Variants in PTPRN2 observed in about 807,000 individuals in gnomAD.
PTPRN2 encodes receptor-type tyrosine-protein phosphatase N2.
A neutral mutation model predicts 118.8 loss-of-function variants in PTPRN2; 74 were observed. That is an observed-to-expected ratio of 0.62 (90% CI 0.52 to 0.76). The LOEUF (loss-of-function observed/expected upper bound fraction) is 0.76, where lower values mean the gene tolerates loss of function less well. PTPRN2 is among the 30% of genes least tolerant of loss of function. The probability of loss-of-function intolerance (pLI) is 0.00; values close to 1 mark genes in which losing one functional copy is unlikely to be tolerated. For synonymous variants in PTPRN2, 641 were observed against 608.0 expected (o/e 1.05, Z -0.80); for missense variants, 1,481 against 1,394.4 (o/e 1.06, Z -0.99).
chr7:157,673,399 T>C (rs1435407610), intron 13 of PTPRN2, among the ~76,000 whole-genome samples: 7 of 152,178 alleles, frequency 4.6e-5, no homozygotes, highest in Non-Finnish European at 8.8e-5. Flanking sequence ...AGCAACAAAG[T>C]TTCAGAACAG....
intron 3 of PTPRN2, among the ~76,000 whole-genome samples, chr7:158,233,828 C>G (rs562047351): frequency 6.6e-6 from 1 of 152,106 alleles, no homozygotes; most frequent in African/African-American, 2.4e-5. Context: ...ACGTTTATAA[C>G]CAACTCATTT....
intron 5 of PTPRN2, among the ~76,000 whole-genome samples, chr7:158,189,229 C>T (rs1439129373): frequency 1.3e-5 from 2 of 152,258 alleles, no homozygotes; most frequent in African/African-American, 4.8e-5. Context: ...GGCAGGGAAG[C>T]ACTGCAGCCA....
chr7:158,149,040 C>T (rs1458836057), intron 6 of PTPRN2, among the ~76,000 whole-genome samples: 2 of 130,154 alleles, frequency 1.5e-5, no homozygotes, highest in South Asian at 2.5e-4. Context: ...GTCTTTCCCT[C>T]TCACTGACAC....
At chr7:157,689,917 A>C (rs947211099) in intron 12 of PTPRN2, among the ~76,000 whole-genome samples, 1 of 152,168 alleles carries the variant, frequency 6.6e-6, no homozygotes, top group Non-Finnish European at 1.5e-5. Flanking sequence ...AGGAGGGTGA[A>C]GAGCGCCCCA....
At chr7:157,890,042 T>C (rs1255738813) in intron 12 of PTPRN2, among the ~76,000 whole-genome samples, 1 of 152,224 alleles carries the variant, frequency 6.6e-6, no homozygotes, top group Non-Finnish European at 1.5e-5. Context: ...TAATGATGAG[T>C]TACCTTGCTA....
chr7:157,992,376 C>T (rs1183227042), intron 11 of PTPRN2, among the ~76,000 whole-genome samples: 2 of 152,198 alleles, frequency 1.3e-5, no homozygotes, highest in African/African-American at 4.8e-5. Flanking sequence ...GCCATGGCCA[C>T]GGAGTCCCTT....
chr7:158,171,096 A>C (rs1823534681), intron 5 of PTPRN2, among the ~76,000 whole-genome samples: 1 of 127,548 alleles, frequency 7.8e-6, no homozygotes, highest in African/African-American at 3.5e-5. Flanking sequence ...ACACACATAT[A>C]TATATACACA....
intron 7 of PTPRN2, among the ~76,000 whole-genome samples, chr7:158,137,713 G>A (rs1456159034): frequency 1.3e-5 from 2 of 152,202 alleles, no homozygotes; most frequent in African/African-American, 4.8e-5. Flanking sequence ...GGGCACGTCT[G>A]TCATTTGGTT....
intron 11 of PTPRN2, among the ~76,000 whole-genome samples, chr7:158,038,851 A>C (rs1302945495): frequency 6.6e-6 from 1 of 151,534 alleles, no homozygotes; most frequent in Non-Finnish European, 1.5e-5. Context: ...TAAAATAACA[A>C]AAAAAAACAC....
Position 158,407,824 on chromosome 7 carries a change from G to A in PTPRN2, c.163+81911C>T, listed in dbSNP as rs28631441. ...GAAGCCGATGTGGAACCATCGCCGT[G>A]CTCAGTGGAGGGACCATGAGTTCAT... On this transcript the variant is annotated intron_variant, in intron 2 of 22. Transcript: ENST00000389418. Among the ~76,000 whole-genome samples the A allele has an allele frequency of 4.5e-3, 688 of 152,364 alleles. 5 individuals are homozygous for A. Among genetic ancestry groups the A allele is most frequent in the African/African-American group, 0.016 (662 of 41,570 alleles).
intron 1 of PTPRN2, among the ~76,000 whole-genome samples, chr7:158,558,757 T>TAAAAA (rs769102456): frequency 1.0e-4 from 6 of 59,736 alleles, no homozygotes; most frequent in Admixed American, 2.0e-4. Flanking sequence ...AGTGCTAGAC[T>TAAAAA]AAAAAAAAAA....
At chr7:158,153,060 G>A (rs952411611) in intron 6 of PTPRN2, among the ~76,000 whole-genome samples, 7 of 151,276 alleles carry the variant, frequency 4.6e-5, no homozygotes, top group Admixed American at 2.6e-4. Context: ...ACACCAGCAC[G>A]CCAGCAGGCC....
chr7:158,214,397 TACAC>T (rs144370539), intron 3 of PTPRN2, among the ~76,000 whole-genome samples: 22,033 of 145,708 alleles, frequency 0.15, 1,725 homozygotes, highest in Non-Finnish European at 0.19. Flanking sequence ...CACCAGCGTG[TACAC>T]ACACACACAC....
chr7:158,217,259 G>A (rs1007445277), intron 3 of PTPRN2, among the ~76,000 whole-genome samples: 5 of 152,130 alleles, frequency 3.3e-5, no homozygotes, highest in Non-Finnish European at 7.4e-5. Context: ...CAGTGAAGCT[G>A]GTACTAAAGC....
intron 3 of PTPRN2, among the ~76,000 whole-genome samples, chr7:158,276,184 T>C (rs2150983826): frequency 6.6e-6 from 1 of 151,672 alleles, no homozygotes; most frequent in East Asian, 2.0e-4. Context: ...CTCTCTGCCC[T>C]TGAAGCACAG....
chr7:157,994,615 A>G lies in PTPRN2; in HGVS notation c.1723+86683T>C, dbSNP rs74199937. On this transcript the variant is annotated intron_variant, in intron 11 of 22. Coordinates refer to ENST00000389418, the MANE Select transcript of PTPRN2 (RefSeq NM_002847.5). ...ATCAATGCCGCGTCCCCAGCTTACA[A>G]CTCCTGGTTCCTAAAATCAACGCCG... Among the ~76,000 whole-genome samples, 379 of 89,442 alleles carry G rather than the reference A, an allele frequency of 4.2e-3. 2 individuals are homozygous for G. The highest frequency in any genetic ancestry group is 0.012 in the African/African-American group (217 of 17,658). 58.7% of individuals were successfully genotyped at this position (89,442 alleles called of 152,430 possible).
intron 1 of PTPRN2, among the ~76,000 whole-genome samples, chr7:158,568,247 T>TA (rs1372725242): frequency 1.2e-4 from 19 of 152,064 alleles, no homozygotes; most frequent in Non-Finnish European, 2.6e-4. Context: ...TGAGACTCTG[T>TA]CTAATAATAA....
chr7:157,571,363 T>G (rs1799750572), intron 20 of PTPRN2, 77 bp downstream of exon 20: 1 of 1,153,550 alleles, frequency 8.7e-7, no homozygotes, highest in Non-Finnish European at 1.3e-6. Context: ...ATTAGAAAGT[T>G]AAGCTTCTGT....
intron 10 of PTPRN2, among the ~76,000 whole-genome samples, chr7:158,092,602 C>T (rs1814286950): frequency 6.6e-6 from 1 of 152,098 alleles, no homozygotes; most frequent in Non-Finnish European, 1.5e-5. Flanking sequence ...GTGGGCTATA[C>T]ATTTAGTGAA....
Sources: allele counts gnomAD v4.1 joint callset (sites outside exome capture counted in the v4.1 genomes callset), GRCh38; gene constraint gnomAD v4.1.1; transcripts MANE v1.5; gene names NCBI Gene and HGNC (gene_info 2026-07-23, HGNC 2026-07-21).